Variants in MYO6 observed in about 807,000 individuals in gnomAD.
MYO6 encodes the protein unconventional myosin-VI.
Under a neutral mutation model 178.7 loss-of-function variants are expected in MYO6, and 74 were observed. The observed-to-expected ratio is 0.41, with a 90% CI of 0.34 to 0.50. MYO6 has a LOEUF of 0.50. Ranked by LOEUF, MYO6 falls within the 20% of genes least tolerant of loss-of-function variation. The pLI is 0.09. For missense variants in MYO6, 1,330 were observed against 1,547.4 expected, an observed-to-expected ratio of 0.86 and a Z score of 2.36; for synonymous variants, 477 against 504.6, an observed-to-expected ratio of 0.95 and a Z score of 0.73.
At chr6:75,914,722 T>C (rs1781019523) in intron 34 of MYO6, 91 bp from the exon 35 acceptor site, 1 of 1,228,488 alleles carries the variant, frequency 8.1e-7, no homozygotes, top group Non-Finnish European at 1.2e-6. Context: ...TTTTCAAATC[T>C]ATGAGAATTA....
At chr6:75,815,722 C>T (rs1328665216) in intron 1 of MYO6, among the ~76,000 whole-genome samples, 3 of 152,228 alleles carry the variant, frequency 2.0e-5, no homozygotes, top group African/African-American at 7.2e-5. Context: ...CAATAGTTAG[C>T]TGCTTTTGAA....
intron 16 of MYO6, among the ~76,000 whole-genome samples, chr6:75,863,845 A>G (rs889863166): frequency 1.1e-4 from 16 of 151,702 alleles, no homozygotes; most frequent in Non-Finnish European, 2.2e-4. Flanking sequence ...CTTTAGAGCC[A>G]TTTTCCATGA....
chr6:75,813,664 C>T (rs982538455), intron 1 of MYO6, among the ~76,000 whole-genome samples: 19 of 152,232 alleles, frequency 1.2e-4, no homozygotes, highest in African/African-American at 4.3e-4. Context: ...GCCAGCATAG[C>T]TCTCAGTCTC....
chr6:75,888,357 G>A (rs1778630425), intron 25 of MYO6, among the ~76,000 whole-genome samples: 1 of 152,038 alleles, frequency 6.6e-6, no homozygotes. Context: ...GCTCACACCT[G>A]TAATCCCAGC....
At chr6:75,832,473 A>C (rs1562222478) in intron 5 of MYO6, among the ~76,000 whole-genome samples, 1 of 152,114 alleles carries the variant, frequency 6.6e-6, no homozygotes, top group Non-Finnish European at 1.5e-5. Flanking sequence ...AAGCTCATTA[A>C]TTCTTGCTTT....
intron 31 of MYO6, 111 bp downstream of exon 31, chr6:75,907,819 T>TGTGTGTATGTAC (rs1780456905): frequency 1.3e-6 from 1 of 799,668 alleles, no homozygotes; most frequent in Admixed American, 2.0e-5. Flanking sequence ...TGTGTGTGTA[T>TGTGTGTATGTAC]GTGTGTATGT....
At chr6:75,799,349 C>T (rs972738209) in intron 1 of MYO6, among the ~76,000 whole-genome samples, 1 of 151,148 alleles carries the variant, frequency 6.6e-6, no homozygotes, top group Non-Finnish European at 1.5e-5. Context: ...GCGATCTTGC[C>T]ATTGCCTTCC....
rs1442108957 is a variant in MYO6 at position 75,914,852 on chromosome 6, A to G, written c.3698A>G (p.Glu1233Gly). 1 of 1,614,166 alleles carries G rather than the reference A, an allele frequency of 6.2e-7. No individual in the cohort carries two copies. Among genetic ancestry groups the G allele is most frequent in the Admixed American group, 1.7e-5 (1 of 60,026 alleles). ...GAGATGTGTGAGCTGAATCTTGAGG[A>G]GACTGGCCTGACTCGGAAGCGTGGT... ...DMEMCELNLEETGLTRKRGAE... is the reference protein window; with the variant it reads ...DMEMCELNLEGTGLTRKRGAE... Residue 1233 changes from glutamate to glycine, a missense_variant, in exon 35 of 35, where the codon GAG (glutamate) becomes GGG (glycine). Glu to Gly is a moderately conservative substitution (Grantham distance 98, BLOSUM62 -2). Coordinates refer to ENST00000369977, the MANE Select transcript of MYO6 (RefSeq NM_004999.4).
intron 1 of MYO6, among the ~76,000 whole-genome samples, chr6:75,751,980 C>T (rs922939231): frequency 1.3e-5 from 2 of 151,486 alleles, no homozygotes; most frequent in Non-Finnish European, 2.9e-5. Flanking sequence ...AAATAAATCT[C>T]AGAGTTTATT....
At chr6:75,884,627 GTC>G (rs985830643) in intron 23 of MYO6, among the ~76,000 whole-genome samples, 2 of 152,164 alleles carry the variant, frequency 1.3e-5, no homozygotes, top group Admixed American at 6.6e-5. Flanking sequence ...ACTCAAATCA[GTC>G]TCTCTGAAAA....
intron 1 of MYO6, among the ~76,000 whole-genome samples, chr6:75,792,771 C>A (rs1035554253): frequency 1.7e-4 from 26 of 151,988 alleles, no homozygotes; most frequent in African/African-American, 5.8e-4. Context: ...AACTTAGTTT[C>A]TTTTCATAAT....
intron 1 of MYO6, among the ~76,000 whole-genome samples, chr6:75,785,640 A>AT (rs894731579): frequency 2.0e-3 from 285 of 145,372 alleles, no homozygotes; most frequent in African/African-American, 6.5e-3. Flanking sequence ...CGTTCTGTTA[A>AT]TTTTTTTTTT....
At chr6:75,889,426 A>T (rs1778722223) in intron 25 of MYO6, among the ~76,000 whole-genome samples, 1 of 152,074 alleles carries the variant, frequency 6.6e-6, no homozygotes, top group Admixed American at 6.5e-5. Context: ...ATTCTTTTTG[A>T]GATAAGAGGC....
intron 1 of MYO6, among the ~76,000 whole-genome samples, chr6:75,793,772 T>A (rs995605313): frequency 3.3e-5 from 5 of 152,194 alleles, no homozygotes; most frequent in Non-Finnish European, 2.9e-5. Context: ...CTACGTACAT[T>A]TATATCTTCT....
chr6:75,907,145 T>C (rs1239701351), intron 30 of MYO6, among the ~76,000 whole-genome samples: 1 of 152,244 alleles, frequency 6.6e-6, no homozygotes, highest in East Asian at 1.9e-4. Flanking sequence ...TTTGGCCATC[T>C]GTAGATTTCC....
At chr6:75,787,716 C>CTA (rs1767760912) in intron 1 of MYO6, among the ~76,000 whole-genome samples, 2 of 51,670 alleles carry the variant, frequency 3.9e-5, no homozygotes, top group Non-Finnish European at 7.2e-5. Context: ...CTCTCTCTCT[C>CTA]TCTCTCTCTC....
intron 1 of MYO6, among the ~76,000 whole-genome samples, chr6:75,796,735 T>A (rs1357635533): frequency 6.6e-6 from 1 of 152,074 alleles, no homozygotes; most frequent in Admixed American, 6.6e-5. Context: ...CTCAGAGTGC[T>A]GGAATTACAG....
intron 1 of MYO6, among the ~76,000 whole-genome samples, chr6:75,802,018 A>G (rs1486932723): frequency 6.6e-6 from 1 of 152,258 alleles, no homozygotes; most frequent in Non-Finnish European, 1.5e-5. Context: ...CAATTAAGAA[A>G]GAATAATATA....
chr6:75,847,649 A>G (rs951511177), intron 10 of MYO6, among the ~76,000 whole-genome samples: 2 of 152,072 alleles, frequency 1.3e-5, no homozygotes, highest in East Asian at 1.9e-4. Flanking sequence ...TATTAGAGTA[A>G]GTATAATGCT....
Sources: allele counts gnomAD v4.1 joint callset (sites outside exome capture counted in the v4.1 genomes callset), GRCh38; gene constraint gnomAD v4.1.1; transcripts MANE v1.5; gene names NCBI Gene and HGNC (gene_info 2026-07-23, HGNC 2026-07-21).